The following DGKB variants were observed in gnomAD, a reference collection of about 807,000 sequenced individuals.
DGKB encodes 90 kDa diacylglycerol kinase.
A neutral mutation model predicts 114.3 loss-of-function variants in DGKB; 67 were observed. The observed-to-expected ratio is 0.59, with a 90% CI of 0.48 to 0.72. DGKB has a LOEUF of 0.72. Ranked by LOEUF, DGKB falls within the 30% of genes least tolerant of loss-of-function variation. DGKB has a pLI of 0.00. For synonymous variants in DGKB, 398 were observed against 323.1 expected (o/e 1.23, Z -2.49); for missense variants, 907 against 975.2 (o/e 0.93, Z 0.93).
rs957560903 is a variant in DGKB, at chr7:14,147,375, C to T, written c.*1756G>A. The T allele has an allele frequency of 2.0e-5, 3 of 151,862 alleles. No individual in the cohort carries two copies. The highest frequency in any genetic ancestry group is 4.8e-5 in the African/African-American group (2 of 41,336). 9.4% of individuals were successfully genotyped at this position (151,862 alleles called of 1,614,324 possible). ...AAGCTTATTGTTGATTGATATTTAC[C>T]GTCCAATGTTCCAGGAACACTAAAA... is the stretch of plus-strand genomic sequence containing the variant. On this transcript the variant is annotated 3_prime_UTR_variant, in exon 26 of 26. Coordinates refer to ENST00000402815, the MANE Select transcript of DGKB (RefSeq NM_001350709.2).
intron 2 of DGKB, among the ~76,000 whole-genome samples, chr7:14,799,386 A>C (rs993126068): frequency 6.6e-6 from 1 of 152,218 alleles, no homozygotes; most frequent in Non-Finnish European, 1.5e-5. Context: ...ATACCACAGC[A>C]TTCCATTACA....
At chr7:14,167,270 A>G (rs1221438667) in intron 25 of DGKB, among the ~76,000 whole-genome samples, 1 of 151,522 alleles carries the variant, frequency 6.6e-6, no homozygotes, top group East Asian at 1.9e-4. Flanking sequence ...TGGCAATTCC[A>G]TGGCAGTGGA....
intron 1 of DGKB, among the ~76,000 whole-genome samples, chr7:14,851,779 T>C (rs1388378897): frequency 2.0e-5 from 3 of 152,192 alleles, no homozygotes; most frequent in Admixed American, 6.5e-5. Context: ...AAGTAGCTCA[T>C]GTGAAGAGAT....
Position 14,788,214 on chromosome 7 carries a change from G to C in DGKB, c.71-30483C>G, listed in dbSNP as rs1000519346. Among the ~76,000 whole-genome samples the C allele has an allele frequency of 7.4e-4, 113 of 152,178 alleles. 2 individuals carry two copies. Among genetic ancestry groups the C allele is most frequent in the Non-Finnish European group, 1.5e-4 (10 of 68,032 alleles). On this transcript the variant is annotated intron_variant, in intron 2 of 25. Transcript: ENST00000402815. ...ATACAAAACAGATCTGTTTGCGTCT[G>C]GAGAAGGATCAGGAACACAGAAAGA... is the stretch of plus-strand genomic sequence containing the variant.
chr7:14,709,989 A>AG lies in DGKB; in HGVS notation c.467-8260dup, dbSNP rs993068279. 1.1e-4 allele frequency among the ~76,000 whole-genome samples: 17 copies of AG among 151,802 alleles called. No homozygotes were observed. In the South Asian group the frequency reaches 3.3e-3, roughly 30 times the overall value. The stretch of plus-strand genomic sequence containing the variant: ...AATTAAAAAAAAAAAAGAAAAGAAA[A>AG]GAAAAAAAAAAGAAAATGTTTGCCA... On this transcript the variant is annotated intron_variant, in intron 6 of 25. Transcript: ENST00000402815.
intron 13 of DGKB, among the ~76,000 whole-genome samples, chr7:14,632,764 C>T (rs1227250988): frequency 6.6e-6 from 1 of 151,634 alleles, no homozygotes; most frequent in Admixed American, 6.6e-5. Flanking sequence ...AGTTTCTAGG[C>T]TGCTGGGAAA....
In DGKB at chr7:14,706,392, C is replaced by CATGG. The variant is rs1312453278; in HGVS notation, c.467-4663_467-4662insCCAT. On this transcript the variant is annotated intron_variant, in intron 6 of 25. Coordinates refer to ENST00000402815, the MANE Select transcript of DGKB (RefSeq NM_001350709.2). ...GGAGACTTTAACACCCCACTGTCAA[C>CATGG]ATTAGACAGATCAACGAGACAGAAA... Among the ~76,000 whole-genome samples, 5 of 144,994 alleles carry CATGG rather than the reference C, an allele frequency of 3.4e-5. No individual in the cohort carries two copies. In the East Asian group the frequency reaches 1.0e-3, roughly 29 times the overall value.
Position 14,621,498 on chromosome 7 carries a change from T to C in DGKB, c.1168-4A>G. On this transcript the variant is annotated splice_region_variant and splice_polypyrimidine_tract_variant and intron_variant, in intron 14 of 25. Coordinates refer to ENST00000402815, the MANE Select transcript of DGKB (RefSeq NM_001350709.2). ...TTTTCACTGTTGATTGTCTTTCCTG[T>C]AAAAAAGAAAATTTTGATAAAAATA... is the stretch of plus-strand genomic sequence containing the variant. The C allele has an allele frequency of 6.5e-7, 1 of 1,542,238 alleles. No individual in the cohort carries two copies.
At chr7:14,444,049 A>AT (rs1356444902) in intron 21 of DGKB, among the ~76,000 whole-genome samples, 2 of 151,314 alleles carry the variant, frequency 1.3e-5, no homozygotes, top group African/African-American at 4.9e-5. Context: ...TCTATTGTGG[A>AT]TTTTTTCTAA....
chr7:14,610,939 G>T (rs926479170), intron 16 of DGKB, among the ~76,000 whole-genome samples: 2 of 152,090 alleles, frequency 1.3e-5, no homozygotes, highest in Non-Finnish European at 2.9e-5. Flanking sequence ...GTTTATGCCA[G>T]TGTCCAGTTA....
At chr7:14,414,855 C>T (rs1432291473) in intron 21 of DGKB, among the ~76,000 whole-genome samples, 2 of 152,062 alleles carry the variant, frequency 1.3e-5, no homozygotes, top group Non-Finnish European at 2.9e-5. Context: ...AGTCATTTGA[C>T]ATTATTCCCT....
At chr7:14,563,430 G>A (rs1796956414) in intron 20 of DGKB, among the ~76,000 whole-genome samples, 1 of 152,060 alleles carries the variant, frequency 6.6e-6, no homozygotes, top group Non-Finnish European at 1.5e-5. Context: ...AGTGGTAAGT[G>A]CCATTTTGTC....
At chr7:14,354,338 A>T (rs1474918596) in intron 21 of DGKB, among the ~76,000 whole-genome samples, 1 of 152,194 alleles carries the variant, frequency 6.6e-6, no homozygotes. Context: ...GTTTTAAAAA[A>T]TAAGAGGGCA....
chr7:14,675,616 G>A (rs1219655715), intron 12 of DGKB, among the ~76,000 whole-genome samples: 1 of 151,640 alleles, frequency 6.6e-6, no homozygotes, highest in Non-Finnish European at 1.5e-5. Context: ...AATAAATCTA[G>A]TATGGGATTT....
intron 23 of DGKB, among the ~76,000 whole-genome samples, chr7:14,319,397 C>A (rs1807300325): frequency 6.6e-6 from 1 of 152,058 alleles, no homozygotes; most frequent in Non-Finnish European, 1.5e-5. Flanking sequence ...TACAGTGCCA[C>A]TCTTCTTACT....
At chr7:14,452,170 G>C (rs1831623456) in intron 21 of DGKB, among the ~76,000 whole-genome samples, 1 of 151,824 alleles carries the variant, frequency 6.6e-6, no homozygotes, top group African/African-American at 2.4e-5. Context: ...ATACATATGT[G>C]GGCTTAAATA....
intron 23 of DGKB, chr7:14,192,176 C>G: frequency 3.3e-6 from 1 of 300,732 alleles, no homozygotes; most frequent in South Asian, 3.1e-5. Context: ...TCAAATTGTC[C>G]CTATTTGTAG....
intron 13 of DGKB, among the ~76,000 whole-genome samples, chr7:14,642,532 GA>G (rs1382272310): frequency 1.8e-4 from 27 of 152,172 alleles, no homozygotes; most frequent in African/African-American, 6.3e-4. Flanking sequence ...GTCCAATACA[GA>G]AACAACTTCA....
intron 23 of DGKB, among the ~76,000 whole-genome samples, chr7:14,295,646 T>A (rs973680151): frequency 2.0e-5 from 3 of 152,060 alleles, no homozygotes; most frequent in Non-Finnish European, 1.5e-5. Context: ...TACTCTTGCT[T>A]TCCAGTAAAT....
Sources: allele counts gnomAD v4.1 joint callset (sites outside exome capture counted in the v4.1 genomes callset), GRCh38; gene constraint gnomAD v4.1.1; transcripts MANE v1.5; gene names NCBI Gene and HGNC (gene_info 2026-07-23, HGNC 2026-07-21).